Variants in RAB1A observed in about 807,000 individuals in gnomAD.
RAB1A encodes the protein RAB1A, member RAS oncogene family.
RAB1A carries 2 observed loss-of-function variants against 26.0 expected under a neutral mutation model. The ratio of observed to expected loss-of-function variants is 0.08; its 90% CI spans 0.03 to 0.24. The LOEUF (loss-of-function observed/expected upper bound fraction) is 0.24, where lower values mean the gene tolerates loss of function less well. Ranked by LOEUF, RAB1A falls within the 10% of genes least tolerant of loss-of-function variation. The pLI is 1.00. For missense variants in RAB1A, 100 were observed against 247.0 expected (o/e 0.40, Z 3.99); for synonymous variants, 84 against 84.9 (o/e 0.99, Z 0.06).
intron 1 of RAB1A, 151 bp from the exon 2 acceptor site, chr2:65,104,957 C>G (rs1669519953): frequency 2.6e-6 from 2 of 759,762 alleles, no homozygotes; most frequent in Admixed American, 3.6e-5. Flanking sequence ...AAACTGCAAA[C>G]AGCCACAGCC....
Position 65,103,303 on chromosome 2 carries a change from A to AAAAAAAAAAAAACAAAC in RAB1A, c.96+1430_96+1431insGTTTGTTTTTTTTTTTT, listed in dbSNP as rs1226450419. On this transcript the variant is annotated intron_variant, in intron 2 of 5. Transcript: ENST00000409784. ...CAACACAGCCAGAATCTGTCTCAAAAAAAAAAAAAAACATTGTTTTATGTG... is the reference window on the plus strand; with the variant it reads ...CAACACAGCCAGAATCTGTCTCAAAAAAAAAAAAAAAACAAACAAAAAAAAAAACATTGTTTTATGTG... Among the ~76,000 whole-genome samples, 19 of 150,172 alleles carry AAAAAAAAAAAAACAAAC rather than the reference A, an allele frequency of 1.3e-4. 1 individual carries two copies. The highest frequency in any genetic ancestry group is 4.6e-4 in the African/African-American group (19 of 40,944).
intron 4 of RAB1A, among the ~76,000 whole-genome samples, chr2:65,090,047 T>C (rs770747736): frequency 1.3e-5 from 2 of 152,232 alleles, no homozygotes; most frequent in African/African-American, 2.4e-5. Context: ...TGACCTACTG[T>C]TACTACTAGA....
intron 2 of RAB1A, among the ~76,000 whole-genome samples, chr2:65,101,578 A>G (rs1573071924): frequency 6.6e-6 from 1 of 152,170 alleles, no homozygotes; most frequent in East Asian, 1.9e-4. Context: ...CTACAGCTAG[A>G]TTCTTCCCAC....
chr2:65,123,181 T>C lies in RAB1A; in HGVS notation c.23+6712A>G, dbSNP rs561512739. Reference sequence around the variant, plus strand: ...AGCACATACGTAAATTTTTTTTTTTTTTTTTTTGAGACAGAGTCTCGCTCT... The same window carrying C: ...AGCACATACGTAAATTTTTTTTTTTCTTTTTTTGAGACAGAGTCTCGCTCT... On this transcript the variant is annotated intron_variant, in intron 1 of 5. Coordinates refer to ENST00000409784, the MANE Select transcript of RAB1A (RefSeq NM_004161.5). 2.8e-4 allele frequency among the ~76,000 whole-genome samples: 42 copies of C among 149,224 alleles called. 1 individual carries two copies. Among genetic ancestry groups the C allele is most frequent in the Non-Finnish European group, 2.1e-4 (14 of 66,808 alleles).
rs1051918626 is a variant in RAB1A, at chr2:65,103,452, G to C, written c.96+1282C>G. On this transcript the variant is annotated intron_variant, in intron 2 of 5. Transcript: ENST00000409784. The stretch of plus-strand genomic sequence containing the variant: ...AATAAAAATGGCACGGCTTGTTTTT[G>C]TTCCTGTGAGGGCACAGAGGTAAAG... Among the ~76,000 whole-genome samples the C allele has an allele frequency of 1.4e-4, 21 of 152,008 alleles. 2 individuals are homozygous for C. The highest frequency in any genetic ancestry group is 1.3e-3 in the Admixed American group (20 of 15,242).
chr2:65,108,238 T>C (rs1461156219), intron 1 of RAB1A, among the ~76,000 whole-genome samples: 1 of 151,220 alleles, frequency 6.6e-6, no homozygotes, highest in Non-Finnish European at 1.5e-5. Flanking sequence ...GGCAGGCGCC[T>C]GTAATCCCAG....
chr2:65,101,740 TC>T (rs1172776072), intron 2 of RAB1A, among the ~76,000 whole-genome samples: 45 of 144,302 alleles, frequency 3.1e-4, no homozygotes, highest in Non-Finnish European at 4.8e-4. Flanking sequence ...TTGTATTACT[TC>T]CTTTTTTTTT....
chr2:65,121,366 C>T (rs1222227072), intron 1 of RAB1A, among the ~76,000 whole-genome samples: 1 of 151,612 alleles, frequency 6.6e-6, no homozygotes, highest in Non-Finnish European at 1.5e-5. Flanking sequence ...GCATATTTAA[C>T]ACTACTTGTC....
intron 3 of RAB1A, among the ~76,000 whole-genome samples, chr2:65,097,213 GATTT>G (rs1415896359): frequency 3.3e-5 from 5 of 152,222 alleles, no homozygotes; most frequent in Admixed American, 1.3e-4. Context: ...AATACTGAGA[GATTT>G]ATTTTTTAAA....
intron 2 of RAB1A, among the ~76,000 whole-genome samples, chr2:65,100,622 T>C (rs552840511): frequency 4.7e-5 from 7 of 149,860 alleles, no homozygotes; most frequent in Admixed American, 1.3e-4. Context: ...TTAGTGGGTG[T>C]GATGGCACAC....
At chr2:65,126,110 T>C (rs1395171199) in intron 1 of RAB1A, among the ~76,000 whole-genome samples, 1 of 151,934 alleles carries the variant, frequency 6.6e-6, no homozygotes, top group Non-Finnish European at 1.5e-5. Flanking sequence ...CCTTAGGTGA[T>C]CCACCTGCTT....
chr2:65,121,524 T>C (rs1295689475), intron 1 of RAB1A, among the ~76,000 whole-genome samples: 2 of 152,194 alleles, frequency 1.3e-5, no homozygotes, highest in Admixed American at 1.3e-4. Context: ...CTACTTCTTC[T>C]GTACCCTATC....
chr2:65,090,369 A>G (rs577249567), intron 4 of RAB1A, among the ~76,000 whole-genome samples: 1 of 152,314 alleles, frequency 6.6e-6, no homozygotes, highest in South Asian at 2.1e-4. Flanking sequence ...GGACACTGAA[A>G]TCTAAGTTTC....
intron 1 of RAB1A, among the ~76,000 whole-genome samples, chr2:65,116,270 G>A (rs539653668): frequency 1.7e-4 from 26 of 152,326 alleles, no homozygotes; most frequent in African/African-American, 5.3e-4. Flanking sequence ...CAAAAGGGTA[G>A]ACAGTCTTTA....
intron 1 of RAB1A, among the ~76,000 whole-genome samples, chr2:65,119,841 C>CCAAAAAA (rs1236103011): frequency 8.2e-5 from 3 of 36,414 alleles, no homozygotes; most frequent in African/African-American, 2.0e-4. Context: ...CCTGTCTCTA[C>CCAAAAAA]AAAAAAAAAA....
At chr2:65,128,161 T>C (rs1234070740) in intron 1 of RAB1A, among the ~76,000 whole-genome samples, 1 of 152,164 alleles carries the variant, frequency 6.6e-6, no homozygotes, top group Non-Finnish European at 1.5e-5. Flanking sequence ...TTTATATACA[T>C]TTGAATTTCA....
chr2:65,099,013 G>T (rs762618612), intron 2 of RAB1A, among the ~76,000 whole-genome samples: 3 of 151,578 alleles, frequency 2.0e-5, no homozygotes, highest in East Asian at 1.9e-4. Flanking sequence ...ATTTTTGTAC[G>T]TTTAGTAGAG....
intron 1 of RAB1A, among the ~76,000 whole-genome samples, chr2:65,116,076 G>C (rs766655089): frequency 1.3e-5 from 2 of 152,078 alleles, no homozygotes; most frequent in African/African-American, 4.8e-5. Flanking sequence ...AGAATTGCTT[G>C]AACCTGTGAG....
At chr2:65,092,276 A>G (rs991234543) in intron 3 of RAB1A, among the ~76,000 whole-genome samples, 6 of 150,032 alleles carry the variant, frequency 4.0e-5, no homozygotes, top group Admixed American at 2.0e-4. Flanking sequence ...AAAAAAGAGA[A>G]AAAAAAAAAA....
Sources: gnomAD v4.1 joint callset for allele counts (sites outside exome capture counted in the v4.1 genomes callset) on GRCh38, gnomAD v4.1.1 for gene constraint, MANE v1.5 for transcripts, NCBI Gene and HGNC (gene_info 2026-07-23, HGNC 2026-07-21) for gene names.